The following MAPK4 variants were observed in gnomAD, a reference collection of about 807,000 sequenced individuals.
MAPK4 encodes the protein mitogen-activated protein kinase 4, also known as Erk3-related.
A neutral mutation model predicts 47.7 loss-of-function variants in MAPK4; 22 were observed. The ratio of observed to expected loss-of-function variants is 0.46; its 90% CI spans 0.33 to 0.66. MAPK4 has a LOEUF of 0.66. Ranked by LOEUF, MAPK4 falls within the 30% of genes least tolerant of loss-of-function variation. The pLI is 0.02. For synonymous variants in MAPK4, 390 were observed against 365.7 expected (o/e 1.07, Z -0.76); for missense variants, 736 against 831.7 (o/e 0.88, Z 1.42).
At chr18:50,619,900 G>A (rs987305980) in intron 1 of MAPK4, among the ~76,000 whole-genome samples, 1 of 152,212 alleles carries the variant, frequency 6.6e-6, no homozygotes, top group Non-Finnish European at 1.5e-5. Context: ...CCTCATGTGG[G>A]TCCACAGGGA....
At chr18:50,717,301 G>A (rs367983518) in intron 3 of MAPK4, among the ~76,000 whole-genome samples, 3 of 152,146 alleles carry the variant, frequency 2.0e-5, no homozygotes, top group African/African-American at 7.2e-5. Context: ...AATGGAAAAG[G>A]GCACGAAAGC....
At chr18:50,633,262 G>A (rs2042849495) in intron 1 of MAPK4, among the ~76,000 whole-genome samples, 1 of 152,186 alleles carries the variant, frequency 6.6e-6, no homozygotes, top group African/African-American at 2.4e-5. Context: ...CCCTTTTGCT[G>A]GAAATTTTTA....
At chr18:50,676,587 C>A (rs1299021574) in intron 2 of MAPK4, among the ~76,000 whole-genome samples, 1 of 152,124 alleles carries the variant, frequency 6.6e-6, no homozygotes, top group East Asian at 1.9e-4. Flanking sequence ...GCTGCATGAC[C>A]AGCTGTAACA....
intron 1 of MAPK4, among the ~76,000 whole-genome samples, chr18:50,646,048 A>C (rs1179010919): frequency 6.6e-6 from 1 of 152,222 alleles, no homozygotes; most frequent in Non-Finnish European, 1.5e-5. Context: ...TAACTCTTAC[A>C]AAAACCCTGT....
At chr18:50,616,174 G>T (rs2042682951) in intron 1 of MAPK4, among the ~76,000 whole-genome samples, 1 of 152,232 alleles carries the variant, frequency 6.6e-6, no homozygotes, top group Non-Finnish European at 1.5e-5. Context: ...ATCTTCCTTT[G>T]GGGGGATAAA....
chr18:50,608,563 AT>A (rs2042603065), intron 1 of MAPK4, among the ~76,000 whole-genome samples: 1 of 152,082 alleles, frequency 6.6e-6, no homozygotes, highest in Admixed American at 6.6e-5. Flanking sequence ...CAAAAGAGAG[AT>A]TTTGGGGGCC....
intron 1 of MAPK4, among the ~76,000 whole-genome samples, chr18:50,649,488 G>C (rs913463322): frequency 2.6e-5 from 4 of 152,150 alleles, no homozygotes; most frequent in African/African-American, 9.7e-5. Context: ...CTCCAGGTGG[G>C]AAGTGATCAA....
Position 50,679,183 on chromosome 18 carries a change from G to A in MAPK4, c.546+14679G>A, listed in dbSNP as rs116888168. Among the ~76,000 whole-genome samples, 409 of 152,362 alleles carry A rather than the reference G, an allele frequency of 2.7e-3. 12 individuals carry two copies. The East Asian group carries it at 0.035, about 13-fold the overall frequency. On this transcript the variant is annotated intron_variant, in intron 2 of 5. Transcript: ENST00000400384. ...TTTCACAGGCCTGAGGCATCACTGT[G>A]TGTGAAGGTGGTTTTCAGTAGCCCA...
Position 50,729,249 on chromosome 18 carries a change from G to C in MAPK4, c.1159G>C (p.Ala387Pro). The C allele has an allele frequency of 1.2e-6, 2 of 1,608,644 alleles. No homozygotes were observed. Residue 387 changes from alanine (A) to proline (P), a missense_variant, in exon 6 of 6, where the codon GCG (alanine) becomes CCG (proline). Coordinates refer to ENST00000400384, the MANE Select transcript of MAPK4 (RefSeq NM_002747.4). ...ACAGCGCGACCCGCGCGCGGGTTCG[G>C]CGCCACTGGCTGAGGACGTGCAGGT... Reference protein sequence around the residue: ...EVQRDPRAGSAPLAEDVQVDP... With the variant: ...EVQRDPRAGSPPLAEDVQVDP...
At chr18:50,599,863 T>A (rs2042519801) in intron 1 of MAPK4, among the ~76,000 whole-genome samples, 1 of 152,234 alleles carries the variant, frequency 6.6e-6, no homozygotes, top group African/African-American at 2.4e-5. Flanking sequence ...ATCTAAGTCA[T>A]TTATAGAGAA....
At chr18:50,628,520 A>G (rs995213397) in intron 1 of MAPK4, among the ~76,000 whole-genome samples, 1 of 151,640 alleles carries the variant, frequency 6.6e-6, no homozygotes, top group African/African-American at 2.4e-5. Context: ...TTTTAGAATA[A>G]TGCTGTTAAG....
chr18:50,663,992 T>C lies in MAPK4; in HGVS notation c.34T>C (p.Tyr12His). Reference sequence around the variant, plus strand: ...GAAGGGTGACTGCATCGCCAGTGTCTATGGGTATGACCTCGGTGGGCGCTT... The same window carrying C: ...GAAGGGTGACTGCATCGCCAGTGTCCATGGGTATGACCTCGGTGGGCGCTT... ...AEKGDCIASVYGYDLGGRFVD... is the reference protein window; with the variant it reads ...AEKGDCIASVHGYDLGGRFVD... The change falls in exon 2 of 6, where the codon TAT (tyrosine) becomes CAT (histidine). Residue 12 changes from tyrosine to histidine, a missense_variant. Physicochemically the swap from Tyr to His is moderately conservative, Grantham distance 83. This residue lies in a region of MAPK4 where 327 missense variants were observed against 395.4 expected (regional missense o/e 0.83). Coordinates refer to ENST00000400384, the MANE Select transcript of MAPK4 (RefSeq NM_002747.4). 6.2e-7 allele frequency: 1 copy of C among 1,613,786 alleles called. No individual in the cohort carries two copies. Among genetic ancestry groups the C allele is most frequent in the South Asian group, 1.1e-5 (1 of 91,056 alleles).
At chr18:50,595,542 TG>T (rs2042474542) in intron 1 of MAPK4, among the ~76,000 whole-genome samples, 1 of 151,956 alleles carries the variant, frequency 6.6e-6, no homozygotes, top group African/African-American at 2.4e-5. Context: ...CGAGGGTGGG[TG>T]GGAATTGACT....
intron 2 of MAPK4, among the ~76,000 whole-genome samples, chr18:50,712,344 G>A (rs1045446696): frequency 2.0e-5 from 3 of 152,082 alleles, no homozygotes; most frequent in African/African-American, 2.4e-5. Context: ...GGAGGGTCCC[G>A]TGAGCCTGGG....
Position 50,606,697 on chromosome 18 carries a change from G to T in MAPK4, c.-871+46454G>T, listed in dbSNP as rs1285058563. On this transcript the variant is annotated intron_variant, in intron 1 of 5. Coordinates refer to ENST00000400384, the MANE Select transcript of MAPK4 (RefSeq NM_002747.4). ...ATATTTTCAGCTTATGGGCCATACA[G>T]TCTCTTTTGCAACTACTCAACTTTG... is the stretch of plus-strand genomic sequence containing the variant. Among the ~76,000 whole-genome samples, 3 of 152,214 alleles carry T rather than the reference G, an allele frequency of 2.0e-5. No homozygotes were observed. In the East Asian group the frequency reaches 5.8e-4, roughly 29 times the overall value.
intron 2 of MAPK4, among the ~76,000 whole-genome samples, chr18:50,708,022 C>A (rs1354852926): frequency 6.6e-6 from 1 of 152,188 alleles, no homozygotes; most frequent in East Asian, 1.9e-4. Flanking sequence ...ACTTTAGCTG[C>A]GTAATAGAAC....
intron 1 of MAPK4, among the ~76,000 whole-genome samples, chr18:50,654,371 G>A (rs2043084617): frequency 1.3e-5 from 2 of 152,242 alleles, no homozygotes; most frequent in Non-Finnish European, 2.9e-5. Context: ...TGAAGCCAGT[G>A]TGGGAGAATT....
chr18:50,627,514 T>G (rs2042789399), intron 1 of MAPK4, among the ~76,000 whole-genome samples: 1 of 152,202 alleles, frequency 6.6e-6, no homozygotes. Flanking sequence ...AGCCTTGAGA[T>G]CCTTCTGACT....
chr18:50,643,383 T>C (rs963290744), intron 1 of MAPK4, among the ~76,000 whole-genome samples: 4 of 152,170 alleles, frequency 2.6e-5, no homozygotes, highest in African/African-American at 9.7e-5. Flanking sequence ...CATGGCATGG[T>C]GGTGCACACT....
Sources: allele counts gnomAD v4.1 joint callset (sites outside exome capture counted in the v4.1 genomes callset), GRCh38; gene constraint gnomAD v4.1.1; regional missense constraint gnomAD v4.1.1; transcripts MANE v1.5; gene names NCBI Gene and HGNC (gene_info 2026-07-23, HGNC 2026-07-21).